Variants in CREBBP observed in about 807,000 individuals in gnomAD.
CREBBP encodes CREB-binding protein.
Under a neutral mutation model 265.0 loss-of-function variants are expected in CREBBP, and 19 were observed. That is an observed-to-expected ratio of 0.07 (90% CI 0.05 to 0.11). The LOEUF (loss-of-function observed/expected upper bound fraction) is 0.11, where lower values mean the gene tolerates loss of function less well. Ranked by LOEUF, CREBBP falls within the 10% of genes least tolerant of loss-of-function variation. The pLI, the probability that CREBBP is intolerant of heterozygous loss-of-function variation, is 1.00. For synonymous variants in CREBBP, 1,457 were observed against 1,223.7 expected (o/e 1.19, Z -3.98); for missense variants, 2,525 against 3,219.0 (o/e 0.78, Z 5.22).
chr16:3,811,582 C>T (rs1396144037), intron 2 of CREBBP, among the ~76,000 whole-genome samples: 3 of 152,192 alleles, frequency 2.0e-5, no homozygotes, highest in Non-Finnish European at 4.4e-5. Flanking sequence ...ACCTCTACCG[C>T]CTGGGTTCAA....
At chr16:3,818,417 C>G (rs939180790) in intron 2 of CREBBP, among the ~76,000 whole-genome samples, 2 of 150,534 alleles carry the variant, frequency 1.3e-5, no homozygotes, top group African/African-American at 4.9e-5. Flanking sequence ...AAGCGATTCT[C>G]CCGTCTCAGC....
At chr16:3,815,882 CAA>C (rs1359527460) in intron 2 of CREBBP, among the ~76,000 whole-genome samples, 3 of 151,458 alleles carry the variant, frequency 2.0e-5, no homozygotes, top group Non-Finnish European at 4.4e-5. Context: ...CTAGCAAATA[CAA>C]AGTCTTATTC....
intron 1 of CREBBP, among the ~76,000 whole-genome samples, chr16:3,875,330 G>A (rs1023554490): frequency 2.6e-5 from 4 of 152,116 alleles, no homozygotes; most frequent in South Asian, 2.1e-4. Context: ...AACGAAGCAC[G>A]GTCATGAAAT....
At chr16:3,798,524 C>T (rs1192409679) in intron 3 of CREBBP, among the ~76,000 whole-genome samples, 1 of 152,096 alleles carries the variant, frequency 6.6e-6, no homozygotes, top group African/African-American at 2.4e-5. Context: ...AAGCTCTGAA[C>T]AGTTATTTAT....
chr16:3,838,381 A>C (rs1301555069), intron 2 of CREBBP, among the ~76,000 whole-genome samples: 1 of 152,146 alleles, frequency 6.6e-6, no homozygotes, highest in East Asian at 1.9e-4. Flanking sequence ...GCATAACATA[A>C]TCACTTAATG....
intron 3 of CREBBP, among the ~76,000 whole-genome samples, chr16:3,802,276 C>T (rs942734329): frequency 2.6e-5 from 4 of 151,552 alleles, no homozygotes; most frequent in South Asian, 2.1e-4. Context: ...GACTTACAGA[C>T]GTGTGCCACC....
intron 2 of CREBBP, among the ~76,000 whole-genome samples, chr16:3,847,402 TAG>T (rs2054690153): frequency 6.6e-6 from 1 of 152,184 alleles, no homozygotes; most frequent in Admixed American, 6.5e-5. Flanking sequence ...CGTAAGGTTC[TAG>T]AGAGGGAATG....
intron 5 of CREBBP, chr16:3,784,479 C>T (rs145531045): frequency 6.6e-6 from 1 of 152,292 alleles, no homozygotes; most frequent in African/African-American, 2.4e-5. Flanking sequence ...TTACTACTCC[C>T]CAAAACTTTA....
At chr16:3,810,200 T>C (rs557537355) in intron 3 of CREBBP, among the ~76,000 whole-genome samples, 7 of 152,260 alleles carry the variant, frequency 4.6e-5, no homozygotes, top group Admixed American at 3.9e-4. Context: ...CAGAGTATTG[T>C]CTTTGGAAGA....
At chr16:3,781,139 G>C in intron 7 of CREBBP, 65 bp downstream of exon 7, 1 of 1,422,992 alleles carries the variant, frequency 7.0e-7, no homozygotes, top group East Asian at 2.3e-5. Context: ...GAAAGAATCA[G>C]TTTTGTGTGG....
At chr16:3,786,464 A>C (rs1190467186) in intron 5 of CREBBP, among the ~76,000 whole-genome samples, 1 of 152,214 alleles carries the variant, frequency 6.6e-6, no homozygotes, top group Non-Finnish European at 1.5e-5. Flanking sequence ...TAAGCCCCTA[A>C]TCATCCTCAA....
intron 3 of CREBBP, 125 bp downstream of exon 3, chr16:3,810,478 G>A (rs576548302): frequency 9.9e-5 from 109 of 1,100,962 alleles, no homozygotes; most frequent in Non-Finnish European, 1.4e-4. Flanking sequence ...TGAGAAATCT[G>A]GGTTCTCTTC....
chr16:3,757,970 G>T lies in CREBBP; in HGVS notation c.3448C>A (p.Pro1150Thr). 1 of 1,613,722 alleles carries T rather than the reference G, an allele frequency of 6.2e-7. No homozygotes were observed. The highest frequency in any genetic ancestry group is 8.5e-7 in the Non-Finnish European group (1 of 1,180,006). ...RKLDTGQYQE[P>T]WQYVDDVWLM... ...CAGACGTCGTCCACGTACTGCCAGG[G>T]CTCTTGGTATTGCCCTGTGTCCAGC... Residue 1150 changes from proline (P) to threonine (T), a missense_variant, in exon 18 of 31, where the codon CCC (proline) becomes ACC (threonine). Around this residue, in one of 19 missense-constraint regions of CREBBP, gnomAD observed 252 missense variants for 452.5 expected, o/e 0.56. Transcript: ENST00000262367.
At chr16:3,867,756 C>CT (rs1230243566) in intron 1 of CREBBP, among the ~76,000 whole-genome samples, 1 of 128,144 alleles carries the variant, frequency 7.8e-6, no homozygotes, top group East Asian at 2.2e-4. Flanking sequence ...CGTATCTCTA[C>CT]TAAAAAAAAA....
At chr16:3,823,094 AAGG>A (rs1331304124) in intron 2 of CREBBP, among the ~76,000 whole-genome samples, 1 of 152,228 alleles carries the variant, frequency 6.6e-6, no homozygotes, top group African/African-American at 2.4e-5. Flanking sequence ...TATACACAGC[AAGG>A]AGGACAGAAC....
Position 3,805,435 on chromosome 16 carries a change from G to C in CREBBP, c.975+5168C>G, listed in dbSNP as rs957159998. Among the ~76,000 whole-genome samples the C allele has an allele frequency of 5.3e-5, 8 of 152,202 alleles. 1 individual carries two copies. Among genetic ancestry groups the C allele is most frequent in the Non-Finnish European group, 1.0e-4 (7 of 68,040 alleles). On this transcript the variant is annotated intron_variant, in intron 3 of 30. Transcript: ENST00000262367. Reference sequence around the variant, plus strand: ...TAGGATAGAGGGAGGTATTAGACAAGCAGTGATTTTACAATTTCTACTTGT... The same window carrying C: ...TAGGATAGAGGGAGGTATTAGACAACCAGTGATTTTACAATTTCTACTTGT...
At chr16:3,799,536 G>A (rs1488188072) in intron 3 of CREBBP, among the ~76,000 whole-genome samples, 1 of 152,178 alleles carries the variant, frequency 6.6e-6, no homozygotes, top group Non-Finnish European at 1.5e-5. Context: ...CATTTCTTTT[G>A]ACAGTAACTC....
chr16:3,749,582 T>G (rs765666145), intron 21 of CREBBP, 45 bp downstream of exon 21: 6 of 1,445,746 alleles, frequency 4.2e-6, no homozygotes, highest in Non-Finnish European at 4.8e-6. Flanking sequence ...CTTTACCGAT[T>G]TCAAACCAAA....
intron 3 of CREBBP, among the ~76,000 whole-genome samples, chr16:3,808,509 A>T (rs1285355439): frequency 6.6e-6 from 1 of 152,250 alleles, no homozygotes; most frequent in Admixed American, 6.5e-5. Flanking sequence ...AAACGGCTCC[A>T]GCCCTGCTGC....
Sources: gnomAD v4.1 joint callset for allele counts (sites outside exome capture counted in the v4.1 genomes callset) on GRCh38, gnomAD v4.1.1 for gene constraint, gnomAD v4.1.1 regional missense constraint, MANE v1.5 for transcripts, NCBI Gene and HGNC (gene_info 2026-07-23, HGNC 2026-07-21) for gene names.